EDC3: variants seen among roughly 807,000 people sequenced by gnomAD.
EDC3 encodes the protein enhancer of mRNA-decapping protein 3.
EDC3 carries 20 observed loss-of-function variants against 41.8 expected under a neutral mutation model. The ratio of observed to expected loss-of-function variants is 0.48; its 90% CI spans 0.34 to 0.70. EDC3 has a LOEUF of 0.70. Among genes scored for constraint, EDC3 ranks in the 30% least tolerant of loss-of-function variants. The pLI is 0.01. For missense variants in EDC3, 444 were observed against 636.8 expected, an observed-to-expected ratio of 0.70 and a Z score of 3.26; for synonymous variants, 206 against 243.2, an observed-to-expected ratio of 0.85 and a Z score of 1.42.
intron 2 of EDC3, among the ~76,000 whole-genome samples, chr15:74,673,837 C>CAAA (rs748537794): frequency 1.3e-4 from 6 of 47,192 alleles, no homozygotes; most frequent in African/African-American, 2.8e-4. Flanking sequence ...GAGACTCCAT[C>CAAA]AAAAAAAAAA....
intron 3 of EDC3, among the ~76,000 whole-genome samples, chr15:74,666,866 T>C (rs1282811909): frequency 6.6e-6 from 1 of 152,130 alleles, no homozygotes; most frequent in Admixed American, 6.6e-5. Context: ...TTTAGGAGGT[T>C]AGAAGATCCC....
intron 1 of EDC3, among the ~76,000 whole-genome samples, chr15:74,676,310 T>C (rs2141659539): frequency 6.6e-6 from 1 of 152,140 alleles, no homozygotes; most frequent in South Asian, 2.1e-4. Flanking sequence ...AGGTCTAAAA[T>C]CAATTGTCTA....
At chr15:74,647,263 G>C (rs1364116019) in intron 4 of EDC3, among the ~76,000 whole-genome samples, 1 of 152,148 alleles carries the variant, frequency 6.6e-6, no homozygotes, top group African/African-American at 2.4e-5. Flanking sequence ...ATCTGCCTCA[G>C]CCTGATTGCT....
rs763526466 is a variant in EDC3, at chr15:74,632,209, A to G, written c.*403T>C. On this transcript the variant is annotated 3_prime_UTR_variant, in exon 7 of 7. Transcript: ENST00000315127. This position sits in a 1 kb window ranked among gnomAD's most constrained non-coding sequence, Gnocchi z 4.0. ...TGCGTGGGGAAAGCAGGGGAGACAC[A>G]AAGCCACAAGCTCTGAAATAGAGCA... The G allele has an allele frequency of 1.8e-5, 4 of 220,922 alleles. No individual in the cohort carries two copies. Among genetic ancestry groups the G allele is most frequent in the Non-Finnish European group, 2.8e-5 (3 of 109,032 alleles). 13.7% of individuals were successfully genotyped at this position (220,922 alleles called of 1,614,324 possible).
chr15:74,686,606 C>A (rs896773645), intron 1 of EDC3, among the ~76,000 whole-genome samples: 4 of 151,702 alleles, frequency 2.6e-5, no homozygotes, highest in African/African-American at 9.7e-5. Flanking sequence ...ATGGTGAAAC[C>A]CCATCTCTAC....
intron 1 of EDC3, 132 bp from the exon 2 acceptor site, chr15:74,675,274 A>C (rs1426360576): frequency 6.6e-6 from 5 of 754,318 alleles, no homozygotes; most frequent in Non-Finnish European, 9.7e-6. Context: ...TAACTGAGGT[A>C]ATAAATCTTA....
rs533231731 is a variant in EDC3 at position 74,647,166 on chromosome 15, C to T, written c.821-6547G>A. On this transcript the variant is annotated intron_variant, in intron 4 of 6. Transcript: ENST00000315127. ...CTGGAACTACAGGCATGTGCCACCA[C>T]GGATAGCTAATTTTTATATTTTTAG... Among the ~76,000 whole-genome samples the T allele has an allele frequency of 8.5e-5, 13 of 152,190 alleles. No homozygotes were observed. The South Asian group carries it at 2.5e-3, about 29-fold the overall frequency.
At chr15:74,694,078 T>A (rs143563251) in intron 1 of EDC3, among the ~76,000 whole-genome samples, 2 of 152,300 alleles carry the variant, frequency 1.3e-5, no homozygotes, top group African/African-American at 4.8e-5. Flanking sequence ...ACAATTTGGA[T>A]GTCCTGTCCT....
At chr15:74,670,241 G>C (rs911652748) in intron 3 of EDC3, among the ~76,000 whole-genome samples, 4 of 151,830 alleles carry the variant, frequency 2.6e-5, no homozygotes, top group African/African-American at 9.7e-5. Context: ...TTTGGCATTT[G>C]GAAGTAATTT....
intron 4 of EDC3, among the ~76,000 whole-genome samples, chr15:74,655,280 G>A (rs760195521): frequency 6.6e-6 from 1 of 152,142 alleles, no homozygotes; most frequent in Non-Finnish European, 1.5e-5. Context: ...GTAAAGAAAT[G>A]TAATTTATTA....
chr15:74,668,206 G>A (rs1169378349), intron 3 of EDC3, among the ~76,000 whole-genome samples: 1 of 152,152 alleles, frequency 6.6e-6, no homozygotes, highest in Non-Finnish European at 1.5e-5. Flanking sequence ...CTGAGAAACT[G>A]TAAGAGCCAA....
chr15:74,650,855 A>C (rs1404544094), intron 4 of EDC3, among the ~76,000 whole-genome samples: 1 of 152,088 alleles, frequency 6.6e-6, no homozygotes, highest in Non-Finnish European at 1.5e-5. Context: ...AAAATTTGCC[A>C]GGTGTGGTGG....
rs563508385 is a variant in EDC3, at chr15:74,685,887, C to A, written c.-19+9993G>T. 5.3e-5 allele frequency among the ~76,000 whole-genome samples: 8 copies of A among 152,232 alleles called. No individual in the cohort carries two copies. The East Asian group carries it at 1.5e-3, about 29-fold the overall frequency. Reference sequence around the variant, plus strand: ...AGGAGCAAAAAAGCATATAAAGCACCCCTCTGGTAAAAGAGTATGTCCTGA... The same window carrying A: ...AGGAGCAAAAAAGCATATAAAGCACACCTCTGGTAAAAGAGTATGTCCTGA... On this transcript the variant is annotated intron_variant, in intron 1 of 6. Transcript: ENST00000315127.
At chr15:74,648,052 A>G (rs2062437628) in intron 4 of EDC3, among the ~76,000 whole-genome samples, 1 of 152,210 alleles carries the variant, frequency 6.6e-6, no homozygotes, top group Non-Finnish European at 1.5e-5. Context: ...GAAGGCAATG[A>G]GATGCTGACC....
intron 4 of EDC3, among the ~76,000 whole-genome samples, chr15:74,649,040 A>AT (rs1313160859): frequency 6.7e-6 from 1 of 149,980 alleles, no homozygotes; most frequent in African/African-American, 2.5e-5. Flanking sequence ...CCACAGGCAC[A>AT]TACCATCACA....
intron 4 of EDC3, among the ~76,000 whole-genome samples, chr15:74,647,149 A>G (rs983624561): frequency 1.1e-4 from 16 of 152,206 alleles, no homozygotes; most frequent in African/African-American, 3.6e-4. Flanking sequence ...AGCTGGAACT[A>G]CAGGCATGTG....
rs548008390 is a variant in EDC3 at position 74,692,377 on chromosome 15, T to C, written c.-19+3503A>G. On this transcript the variant is annotated intron_variant, in intron 1 of 6. Coordinates refer to ENST00000315127, the MANE Select transcript of EDC3 (RefSeq NM_025083.5). Reference sequence around the variant, plus strand: ...ATTAAGAAATTGAATTAGTAAAATCTTCCCAGAGAGAAAAACCCAGGCCCA... The same window carrying C: ...ATTAAGAAATTGAATTAGTAAAATCCTCCCAGAGAGAAAAACCCAGGCCCA... Among the ~76,000 whole-genome samples the C allele has an allele frequency of 4.9e-4, 75 of 152,292 alleles. 1 individual carries two copies. Among genetic ancestry groups the C allele is most frequent in the African/African-American group, 1.7e-3 (71 of 41,558 alleles).
chr15:74,666,572 A>C (rs1025695953), intron 3 of EDC3, among the ~76,000 whole-genome samples: 5 of 152,242 alleles, frequency 3.3e-5, no homozygotes, highest in African/African-American at 1.2e-4. Context: ...CATCTTGCTA[A>C]GTGAAAGAAG....
intron 2 of EDC3, 136 bp downstream of exon 2, chr15:74,674,825 G>T: frequency 9.8e-7 from 1 of 1,019,770 alleles, no homozygotes; most frequent in Non-Finnish European, 1.5e-6. Context: ...GACCAGCCTG[G>T]CCAACACAGT....
Sources: allele counts gnomAD v4.1 joint callset (sites outside exome capture counted in the v4.1 genomes callset), GRCh38; gene constraint gnomAD v4.1.1; non-coding constraint Gnocchi (gnomAD v3.1); transcripts MANE v1.5; gene names NCBI Gene and HGNC (gene_info 2026-07-23, HGNC 2026-07-21).